The following TENM4 variants were observed in gnomAD, a reference collection of about 807,000 sequenced individuals.
The protein encoded by TENM4 is teneurin-4.
TENM4 carries 82 observed loss-of-function variants against 243.3 expected under a neutral mutation model. The observed-to-expected ratio is 0.34, with a 90% CI of 0.28 to 0.40. TENM4 has a LOEUF of 0.40. TENM4 is among the 10% of genes least tolerant of loss of function. TENM4 has a pLI of 1.00. For missense variants in TENM4, 3,138 were observed against 3,673.3 expected, an observed-to-expected ratio of 0.85 and a Z score of 3.77; for synonymous variants, 1,412 against 1,456.3, an observed-to-expected ratio of 0.97 and a Z score of 0.69.
chr11:79,034,509 AT>A lies in TENM4; in HGVS notation c.493+30228del, dbSNP rs531459830. Among the ~76,000 whole-genome samples, 187 of 152,134 alleles carry A rather than the reference AT, an allele frequency of 1.2e-3. 1 individual carries two copies. Among genetic ancestry groups the A allele is most frequent in the Non-Finnish European group, 1.8e-3 (124 of 68,018 alleles). On this transcript the variant is annotated intron_variant, in intron 6 of 33. Transcript: ENST00000278550. Reference sequence around the variant, plus strand: ...TACAGACATTTTTAGCTTTCTAGGAATTTTTTTTAAAGAACAAAATGTTCTG... The same window carrying A: ...TACAGACATTTTTAGCTTTCTAGGAATTTTTTTAAAGAACAAAATGTTCTG...
chr11:79,059,041 T>C (rs1860018240), intron 6 of TENM4, among the ~76,000 whole-genome samples: 1 of 152,188 alleles, frequency 6.6e-6, no homozygotes, highest in Non-Finnish European at 1.5e-5. Context: ...ATGAGTTCCT[T>C]TCTCACTGTG....
chr11:79,203,622 C>T (rs942271522), intron 3 of TENM4, among the ~76,000 whole-genome samples: 8 of 152,200 alleles, frequency 5.3e-5, no homozygotes, highest in African/African-American at 1.4e-4. Flanking sequence ...AGTCAGACAT[C>T]TGTATCATGG....
At chr11:78,691,662 A>G (rs75240665) in intron 28 of TENM4, among the ~76,000 whole-genome samples, 7 of 152,196 alleles carry the variant, frequency 4.6e-5, no homozygotes, top group African/African-American at 1.7e-4. Context: ...AATTACATTG[A>G]TCCTAAAGAA....
intron 2 of TENM4, among the ~76,000 whole-genome samples, chr11:79,295,221 T>C (rs1270902944): frequency 1.3e-5 from 2 of 152,212 alleles, no homozygotes; most frequent in African/African-American, 4.8e-5. Context: ...CCTACCTTTC[T>C]TCCTGTCACT....
chr11:78,732,663 GAAAATTAC>G, intron 20 of TENM4, 86 bp from the exon 21 acceptor site: 2 of 1,425,470 alleles, frequency 1.4e-6, no homozygotes, highest in Non-Finnish European at 1.9e-6. Context: ...AGAAAGGGGA[GAAAATTAC>G]ACCAAAGGGT....
intron 1 of TENM4, among the ~76,000 whole-genome samples, chr11:79,417,681 A>G (rs7119835): frequency 0.67 from 101,964 of 152,078 alleles, 34,586 homozygotes; most frequent in African/African-American, 0.79. Context: ...TACTTGCAAT[A>G]TGACATCATC....
At chr11:78,866,304 T>G (rs1031795224) in intron 9 of TENM4, among the ~76,000 whole-genome samples, 40 of 152,160 alleles carry the variant, frequency 2.6e-4, no homozygotes, top group Non-Finnish European at 3.8e-4. Context: ...GAATCAATTA[T>G]CTCATCTAAG....
chr11:78,770,996 A>G lies in TENM4; in HGVS notation c.2535T>C (p.Asp845=). 6.3e-7 allele frequency: 1 copy of G among 1,583,112 alleles called. No homozygotes were observed. Among genetic ancestry groups the G allele is most frequent in the Non-Finnish European group, 8.6e-7 (1 of 1,164,514 alleles). The change falls in exon 18 of 34, where the codon GAT becomes GAC. Residue 845 remains aspartate (D), a synonymous_variant. Transcript: ENST00000278550. ...ETACGDSKDN[D]GDGLVDCMDP... is the part of the protein sequence containing the mutation. ...CCATGGGTGCCAGAGCCCTACCTCC[A>G]TCATTGTCTTTGCTGTCACCGCAGG...
At chr11:79,023,056 C>T (rs896499315) in intron 6 of TENM4, among the ~76,000 whole-genome samples, 6 of 152,126 alleles carry the variant, frequency 3.9e-5, no homozygotes, top group Non-Finnish European at 7.4e-5. Context: ...ATTATTACTC[C>T]AAATCCTGTG....
At chr11:78,795,734 C>A (rs2136061374) in intron 15 of TENM4, among the ~76,000 whole-genome samples, 1 of 152,254 alleles carries the variant, frequency 6.6e-6, no homozygotes. Flanking sequence ...ACCAGATCTC[C>A]ATATATTTTG....
chr11:78,817,657 A>G (rs534744983), intron 12 of TENM4, among the ~76,000 whole-genome samples: 1 of 152,382 alleles, frequency 6.6e-6, no homozygotes, highest in African/African-American at 2.4e-5. Flanking sequence ...GTAAAGTCTA[A>G]GGCAAGATAA....
chr11:78,949,655 G>T (rs1274405360), intron 6 of TENM4, among the ~76,000 whole-genome samples: 1 of 152,226 alleles, frequency 6.6e-6, no homozygotes, highest in Admixed American at 6.5e-5. Context: ...GCTTGGGGAA[G>T]GATCAGAGGG....
At chr11:78,835,848 C>T (rs944938061) in intron 12 of TENM4, among the ~76,000 whole-genome samples, 8 of 152,216 alleles carry the variant, frequency 5.3e-5, no homozygotes, top group Non-Finnish European at 7.3e-5. Context: ...AATGTCTTTC[C>T]GGACAGACTT....
At chr11:79,131,363 G>A (rs140891329) in intron 4 of TENM4, among the ~76,000 whole-genome samples, 333 of 152,262 alleles carry the variant, frequency 2.2e-3, no homozygotes, top group African/African-American at 7.4e-3. Flanking sequence ...GAAGGGACTG[G>A]GGCTCTATCT....
intron 4 of TENM4, among the ~76,000 whole-genome samples, chr11:79,103,562 A>G (rs1047459697): frequency 2.6e-5 from 4 of 152,204 alleles, no homozygotes; most frequent in Admixed American, 2.6e-4. Context: ...CATTTCATCA[A>G]TCCTAAGATG....
rs141972351 is a variant in TENM4, at chr11:79,042,555, T to C, written c.493+22183A>G. On this transcript the variant is annotated intron_variant, in intron 6 of 33. Coordinates refer to ENST00000278550, the MANE Select transcript of TENM4 (RefSeq NM_001098816.3). ...CAGAGGGCAAGCCCTCACCAGAAACTGAATCTGTTGGTGCCTTGATCTTGG... is the reference window on the plus strand; with the variant it reads ...CAGAGGGCAAGCCCTCACCAGAAACCGAATCTGTTGGTGCCTTGATCTTGG... 2.6e-3 allele frequency among the ~76,000 whole-genome samples: 392 copies of C among 152,294 alleles called. 2 individuals carry two copies. Among genetic ancestry groups the C allele is most frequent in the African/African-American group, 8.8e-3 (367 of 41,552 alleles).
intron 6 of TENM4, among the ~76,000 whole-genome samples, chr11:78,912,017 TAGAGGCAGGAC>T (rs1387905154): frequency 3.3e-5 from 5 of 151,860 alleles, no homozygotes; most frequent in Admixed American, 1.3e-4. Flanking sequence ...AGCACTGAAG[TAGAGGCAGGAC>T]AGAGGCAGAC....
intron 4 of TENM4, among the ~76,000 whole-genome samples, chr11:79,133,806 A>G (rs1480598464): frequency 6.6e-6 from 1 of 152,196 alleles, no homozygotes; most frequent in African/African-American, 2.4e-5. Flanking sequence ...TCCCTTTATG[A>G]TTAAAACACT....
At chr11:79,237,493 A>G (rs1232278021) in intron 2 of TENM4, among the ~76,000 whole-genome samples, 1 of 152,204 alleles carries the variant, frequency 6.6e-6, no homozygotes, top group Non-Finnish European at 1.5e-5. Context: ...CCTGGCCAAC[A>G]TGGTAAAACC....
Sources: allele counts gnomAD v4.1 joint callset (sites outside exome capture counted in the v4.1 genomes callset), GRCh38; gene constraint gnomAD v4.1.1; transcripts MANE v1.5; gene names NCBI Gene and HGNC (gene_info 2026-07-23, HGNC 2026-07-21).